The following VWA7 variants were observed in gnomAD, a reference collection of about 807,000 sequenced individuals.
VWA7 encodes the protein von Willebrand factor A domain-containing protein 7.
In VWA7, 66 loss-of-function variants were observed where a neutral mutation model predicts 83.1. That is an observed-to-expected ratio of 0.79 (90% CI 0.65 to 0.98). The LOEUF (loss-of-function observed/expected upper bound fraction) is 0.98. Among genes scored for constraint, VWA7 ranks in the 50% least tolerant of loss-of-function variants. The probability of loss-of-function intolerance (pLI) is 0.00; values close to 1 mark genes in which losing one functional copy is unlikely to be tolerated. For missense variants in VWA7, 1,080 were observed against 1,160.2 expected, an observed-to-expected ratio of 0.93 and a Z score of 1.00; for synonymous variants, 424 against 488.5, an observed-to-expected ratio of 0.87 and a Z score of 1.74.
chr6:31,766,175 G>T lies in VWA7; in HGVS notation c.2324+70C>A, dbSNP rs1811543555. 2 of 1,293,276 alleles carry T rather than the reference G, an allele frequency of 1.5e-6. No individual in the cohort carries two copies. The highest frequency in any genetic ancestry group is 1.8e-5 in the Admixed American group (1 of 55,566). The allele number at this position is 1,293,276 out of a possible 1,614,324, so 80.1% of individuals were successfully genotyped here. On this transcript the variant is annotated intron_variant, in intron 15 of 16. Transcript: ENST00000375688. This position sits in a 1 kb window ranked among gnomAD's most constrained non-coding sequence, Gnocchi z 4.9. ...TCTGAGGGCCAGTCGGAGGGGGACAGGGGCAGGGCTTGGGATAAGCATTGG... is the reference window on the plus strand; with the variant it reads ...TCTGAGGGCCAGTCGGAGGGGGACATGGGCAGGGCTTGGGATAAGCATTGG...
chr6:31,770,830 T>G (rs1417431175), intron 7 of VWA7, among the ~76,000 whole-genome samples: 2 of 151,604 alleles, frequency 1.3e-5, no homozygotes, highest in Non-Finnish European at 2.9e-5. Flanking sequence ...GGTAACATAG[T>G]GAGACCCCAT....
At position 31,765,637 on chromosome 6, in the gene VWA7, G is replaced by C. The variant is rs1397883886; in HGVS notation, c.2633C>G (p.Thr878Arg). Residue 878 changes from threonine (T) to arginine (R), a missense_variant, in exon 17 of 17, where the codon ACA becomes AGA. Thr to Arg is a moderately conservative substitution (Grantham distance 71, BLOSUM62 -1). Transcript: ENST00000375688. The part of the protein sequence containing the change: ...GLAAGSPWWG[T>R]VGGVLLLLGL... ...TAGCAGAAGCAGCACCCCTCCAACT[G>C]TGCCCCACCAGGGGCTGCCCGCAGC... is the stretch of plus-strand genomic sequence containing the variant. 6.2e-6 allele frequency: 10 copies of C among 1,610,452 alleles called. No homozygotes were observed. In the East Asian group the frequency reaches 2.2e-4, roughly 36 times the overall value.
Position 31,776,667 on chromosome 6 carries a change from G to C in VWA7, c.113C>G (p.Ala38Gly). ...TTGGTGGGTGATGGAGCCAGGGGCAGCCAGCAGGCTCCAGATGTTGGGGAA... is the reference window on the plus strand; with the variant it reads ...TTGGTGGGTGATGGAGCCAGGGGCACCCAGCAGGCTCCAGATGTTGGGGAA... Reference protein sequence around the residue: ...AFFPNIWSLLAAPGSITHQDL... With the variant: ...AFFPNIWSLLGAPGSITHQDL... Residue 38 changes from alanine to glycine, a missense_variant, in exon 2 of 17, where the codon GCT (alanine) becomes GGT (glycine). Transcript: ENST00000375688. The surrounding 1 kb of genome is among the most constrained non-coding windows in gnomAD (Gnocchi z 6.2). 6.5e-7 allele frequency: 1 copy of C among 1,542,054 alleles called. No individual in the cohort carries two copies. The highest frequency in any genetic ancestry group is 1.2e-5 in the South Asian group (1 of 83,398).
Position 31,766,129 on chromosome 6 carries a change from C to T in VWA7, c.2325-72G>A. 1 of 1,596,964 alleles carries T rather than the reference C, an allele frequency of 6.3e-7. No individual in the cohort carries two copies. Among genetic ancestry groups the T allele is most frequent in the Non-Finnish European group, 8.5e-7 (1 of 1,170,452 alleles). On this transcript the variant is annotated intron_variant, in intron 15 of 16. Transcript: ENST00000375688. This position sits in a 1 kb window ranked among gnomAD's most constrained non-coding sequence, Gnocchi z 4.9. ...CCTAGAGTCGGGACGCCTGCAGGGG[C>T]ACGGGAGCGGAGAGGAGGATTCTGA... is the stretch of plus-strand genomic sequence containing the variant.
Position 31,772,982 on chromosome 6 carries a change from G to T in VWA7, c.1059C>A (p.His353Gln), listed in dbSNP as rs1216411482. ...GGTCATGAAAAGGCACCAGGACATA[G>T]TGGACAGGCTCCATGGGGCTGCCTC... ...QRRGSPMEPV[H>Q]YVLVPFHDPG... is the part of the protein sequence containing the mutation. Residue 353 changes from histidine to glutamine, a missense_variant, in exon 7 of 17, where the codon CAC (histidine) becomes CAA (glutamine). Transcript: ENST00000375688. 6.9e-7 allele frequency: 1 copy of T among 1,458,256 alleles called. No homozygotes were observed. Among genetic ancestry groups the T allele is most frequent in the Admixed American group, 1.7e-5 (1 of 57,342 alleles). The allele number at this position is 1,458,256 out of a possible 1,614,324, so 90.3% of individuals were successfully genotyped here.
chr6:31,776,067 C>A lies in VWA7; in HGVS notation c.410G>T (p.Arg137Leu), dbSNP rs9469052. Residue 137 changes from arginine to leucine, a missense_variant, in exon 3 of 17, where the codon CGC becomes CTC. By Grantham distance (102) the Arg-to-Leu change is moderately radical. Coordinates refer to ENST00000375688, the MANE Select transcript of VWA7 (RefSeq NM_025258.3). This position sits in a 1 kb window ranked among gnomAD's most constrained non-coding sequence, Gnocchi z 6.2. ...HFDAERLGQG[R>L]ARLVGALRET... ...CCGCAGAGCCCCTACCAGGCGCGCG[C>A]GTCCCTGACCCAGTCGCTCAGCATC... The A allele has an allele frequency of 6.2e-7, 1 of 1,613,828 alleles. No individual in the cohort carries two copies. Among genetic ancestry groups the A allele is most frequent in the South Asian group, 1.1e-5 (1 of 91,072 alleles).
Position 31,766,017 on chromosome 6 carries a change from A to G in VWA7, c.2365T>C (p.Trp789Arg), listed in dbSNP as rs1439787677. The change falls in exon 16 of 17, where the codon TGG becomes CGG. Residue 789 changes from tryptophan (W) to arginine (R), a missense_variant. Coordinates refer to ENST00000375688, the MANE Select transcript of VWA7 (RefSeq NM_025258.3). This position sits in a 1 kb window ranked among gnomAD's most constrained non-coding sequence, Gnocchi z 4.9. Reference protein sequence around the residue: ...ELNESAWGRLWLEVPDSAAPD... With the variant: ...ELNESAWGRLRLEVPDSAAPD... ...GCCGCTGAATCTGGGACCTCCAGCCACAGGCGGCCCCAGGCCGACTCATTC... is the reference window on the plus strand; with the variant it reads ...GCCGCTGAATCTGGGACCTCCAGCCGCAGGCGGCCCCAGGCCGACTCATTC... The G allele has an allele frequency of 1.9e-6, 3 of 1,612,786 alleles. No individual in the cohort carries two copies. The African/African-American group carries it at 4.0e-5, about 22-fold the overall frequency.
chr6:31,771,873 C>G (rs1812205804), intron 7 of VWA7: 1 of 151,768 alleles, frequency 6.6e-6, no homozygotes, highest in South Asian at 2.1e-4. Context: ...CGCCTGTAGT[C>G]CCAGCTACTC....
Position 31,772,940 on chromosome 6 carries a change from C to T in VWA7, c.1087+14G>A. The T allele has an allele frequency of 6.2e-7, 1 of 1,608,370 alleles. No individual in the cohort carries two copies. The highest frequency in any genetic ancestry group is 8.5e-7 in the Non-Finnish European group (1 of 1,179,320). On this transcript the variant is annotated intron_variant, in intron 7 of 16. Transcript: ENST00000375688. Reference sequence around the variant, plus strand: ...TTTTCCTCCCCTCTACTGTCCTAGCCAGACCACACTTACCTGGGTCATGAA... The same window carrying T: ...TTTTCCTCCCCTCTACTGTCCTAGCTAGACCACACTTACCTGGGTCATGAA...
chr6:31,768,954 T>C, intron 10 of VWA7, 64 bp downstream of exon 10: 2 of 1,479,646 alleles, frequency 1.4e-6, no homozygotes, highest in Non-Finnish European at 1.8e-6. Flanking sequence ...CTTTCTCCTA[T>C]AAGAAGAGAG....
chr6:31,774,554 G>C lies in VWA7; in HGVS notation c.683C>G (p.Thr228Ser). 6.2e-7 allele frequency: 1 copy of C among 1,612,934 alleles called. No homozygotes were observed. The highest frequency in any genetic ancestry group is 8.5e-7 in the Non-Finnish European group (1 of 1,179,978). ...PRNWLGFTLL[T>S]SGYFGTHPPK... is the part of the protein sequence containing the mutation. ...GGGATGAGTTCCAAAGTAGCCAGAG[G>C]TGAGGAGTGTGAAGCCCAGCCAATT... is the stretch of plus-strand genomic sequence containing the variant. The change falls in exon 5 of 17, where the codon ACC (threonine) becomes AGC (serine). Residue 228 changes from threonine to serine, a missense_variant. Transcript: ENST00000375688.
At position 31,777,307 on chromosome 6, in the gene VWA7, T is replaced by G; in HGVS notation, c.-214A>C. 1.9e-6 allele frequency: 1 copy of G among 532,584 alleles called. No homozygotes were observed. The highest frequency in any genetic ancestry group is 3.3e-6 in the Non-Finnish European group (1 of 298,862). The allele number at this position is 532,584 out of a possible 1,614,324, so 33.0% of individuals were successfully genotyped here. ...AGCCCACGCCAGGGCGGGCCTCCCT[T>G]GGCTGCAGTGCGGAGGTGAGTGAGA... On this transcript the variant is annotated 5_prime_UTR_variant, in exon 1 of 17. Coordinates refer to ENST00000375688, the MANE Select transcript of VWA7 (RefSeq NM_025258.3). This position sits in a 1 kb window ranked among gnomAD's most constrained non-coding sequence, Gnocchi z 5.8.
chr6:31,774,674 C>A (rs1480679359), intron 4 of VWA7, 48 bp from the exon 5 acceptor site: 2 of 1,511,172 alleles, frequency 1.3e-6, no homozygotes, highest in Non-Finnish European at 1.8e-6. Flanking sequence ...CCACCCCCAG[C>A]CTTTATCCCC....
chr6:31,766,777 C>A lies in VWA7; in HGVS notation c.1883-13G>T, dbSNP rs1427683350. ...TGGGTCTGAAGACCTGGGACAGGGG[C>A]GAGGAGGGGAGAACATTGTGAGATT... On this transcript the variant is annotated splice_polypyrimidine_tract_variant and intron_variant, in intron 13 of 16. Coordinates refer to ENST00000375688, the MANE Select transcript of VWA7 (RefSeq NM_025258.3). The surrounding 1 kb of genome is among the most constrained non-coding windows in gnomAD (Gnocchi z 4.9). The A allele has an allele frequency of 1.3e-6, 2 of 1,587,068 alleles. No individual in the cohort carries two copies. The highest frequency in any genetic ancestry group is 1.7e-6 in the Non-Finnish European group (2 of 1,162,578).
Position 31,776,375 on chromosome 6 carries a change from C to A in VWA7, c.235-133G>T. On this transcript the variant is annotated intron_variant, in intron 2 of 16. Transcript: ENST00000375688. This position sits in a 1 kb window ranked among gnomAD's most constrained non-coding sequence, Gnocchi z 6.2. ...CCCACAAAGGAGGGACAGTCCCGGA[C>A]CTTTCTAAGGAGGGGGACTCCTAAT... is the stretch of plus-strand genomic sequence containing the variant. 1 of 1,360,646 alleles carries A rather than the reference C, an allele frequency of 7.3e-7. No homozygotes were observed. 84.3% of individuals were successfully genotyped at this position (1,360,646 alleles called of 1,614,324 possible). A position where few individuals can be genotyped will look rare whatever the true frequency, so the allele number is the denominator to read the frequency against.
chr6:31,766,442 C>G lies in VWA7; in HGVS notation c.2184+21G>C. ...CTCTAACTCTCTCCAGCCCCAGCCG[C>G]ACTTTCCCCTGGCGTCTCACCTCCA... On this transcript the variant is annotated intron_variant, in intron 14 of 16. Coordinates refer to ENST00000375688, the MANE Select transcript of VWA7 (RefSeq NM_025258.3). This position sits in a 1 kb window ranked among gnomAD's most constrained non-coding sequence, Gnocchi z 4.9. 1 of 1,579,634 alleles carries G rather than the reference C, an allele frequency of 6.3e-7. No individual in the cohort carries two copies. Among genetic ancestry groups the G allele is most frequent in the African/African-American group, 1.3e-5 (1 of 74,368 alleles).
chr6:31,766,859 A>T lies in VWA7; in HGVS notation c.1883-95T>A. On this transcript the variant is annotated intron_variant, in intron 13 of 16. Coordinates refer to ENST00000375688, the MANE Select transcript of VWA7 (RefSeq NM_025258.3). This position sits in a 1 kb window ranked among gnomAD's most constrained non-coding sequence, Gnocchi z 4.9. ...TTCAAAATAGGGGTTCCCTCTGGGG[A>T]GTATGGATGGGAAAATAGGTTACCT... 1 of 1,384,420 alleles carries T rather than the reference A, an allele frequency of 7.2e-7. No individual in the cohort carries two copies. The highest frequency in any genetic ancestry group is 9.7e-7 in the Non-Finnish European group (1 of 1,032,746). The allele number at this position is 1,384,420 out of a possible 1,614,324, so 85.8% of individuals were successfully genotyped here.
Position 31,776,305 on chromosome 6 carries a change from TATCTC to T in VWA7, c.235-68_235-64del. ...CCTTTGGATTGACTGTTGCCCACCT[TATCTC>T]AGCAACTGACACTCAAGGCTGGGTA... is the stretch of plus-strand genomic sequence containing the variant. On this transcript the variant is annotated intron_variant, in intron 2 of 16. Coordinates refer to ENST00000375688, the MANE Select transcript of VWA7 (RefSeq NM_025258.3). The surrounding 1 kb of genome is among the most constrained non-coding windows in gnomAD (Gnocchi z 6.2). 1 of 1,562,302 alleles carries T rather than the reference TATCTC, an allele frequency of 6.4e-7. No individual in the cohort carries two copies. The highest frequency in any genetic ancestry group is 8.7e-7 in the Non-Finnish European group (1 of 1,153,868).
rs1811694941 is a variant in VWA7 at position 31,767,209 on chromosome 6, TGG to T, written c.1829_1830del (p.Pro610HisfsTer86). 6.2e-7 allele frequency: 1 copy of T among 1,604,726 alleles called. No homozygotes were observed. The highest frequency in any genetic ancestry group is 1.3e-5 in the African/African-American group (1 of 74,282). On this transcript the variant is annotated frameshift_variant, in exon 13 of 17. Transcript: ENST00000375688. LOFTEE classifies it high-confidence loss of function. ...SLDFLFHFGI[P>X]MEDGPHPGLY... ...AGGCCAGGGTGGGGTCCATCCTCCA[TGG>T]GGATCCCAAAGTGGAAGAGGAAGTC...
Sources: gnomAD v4.1 joint callset for allele counts (sites outside exome capture counted in the v4.1 genomes callset) on GRCh38, gnomAD v4.1.1 for gene constraint, Gnocchi (gnomAD v3.1) non-coding constraint, MANE v1.5 for transcripts, NCBI Gene and HGNC (gene_info 2026-07-23, HGNC 2026-07-21) for gene names.